HIPK3: variants seen among roughly 807,000 people sequenced by gnomAD.
The protein encoded by HIPK3 is homeodomain-interacting protein kinase 3.
In HIPK3, 47 loss-of-function variants were observed where a neutral mutation model predicts 124.2. The ratio of observed to expected loss-of-function variants is 0.38; its 90% CI spans 0.30 to 0.48. The LOEUF (loss-of-function observed/expected upper bound fraction) is 0.48. Ranked by LOEUF, HIPK3 falls within the 20% of genes least tolerant of loss-of-function variation. HIPK3 has a pLI of 0.98. For missense variants in HIPK3, 1,286 were observed against 1,454.3 expected (o/e 0.88, Z 1.88); for synonymous variants, 482 against 515.2 (o/e 0.94, Z 0.87).
At chr11:33,349,099 G>T in intron 13 of HIPK3, 48 bp from the exon 14 acceptor site, 2 of 1,565,102 alleles carry the variant, frequency 1.3e-6, no homozygotes, top group Non-Finnish European at 8.7e-7. Context: ...TATTTGGAGA[G>T]TATCTTCTTG....
Position 33,347,630 on chromosome 11 carries a change from C to T in HIPK3, c.2021C>T (p.Thr674Met), listed in dbSNP as rs367997325. Residue 674 changes from threonine to methionine, a missense_variant and splice_region_variant, in exon 10 of 17, where the codon ACG becomes ATG. Thr to Met is a moderately conservative substitution (Grantham distance 81). Around this residue, in one of 3 missense-constraint regions of HIPK3, gnomAD observed 810 missense variants for 864.9 expected, o/e 0.94. Transcript: ENST00000303296. ...LQIRPGVLSQTWSGRTQQMLV... is the reference protein window; with the variant it reads ...LQIRPGVLSQMWSGRTQQMLV... Reference sequence around the variant, plus strand: ...ATTGTTTTGCTTTGCTGCAAGCAGACGTGGTCTGGTAGAACACAGCAGATG... The same window carrying T: ...ATTGTTTTGCTTTGCTGCAAGCAGATGTGGTCTGGTAGAACACAGCAGATG... The T allele has an allele frequency of 7.4e-6, 12 of 1,613,260 alleles. No homozygotes were observed. Among genetic ancestry groups the T allele is most frequent in the Middle Eastern group, 1.7e-4 (1 of 6,024 alleles).
At chr11:33,275,301 G>T (rs1851243217) in intron 1 of HIPK3, among the ~76,000 whole-genome samples, 1 of 152,172 alleles carries the variant, frequency 6.6e-6, no homozygotes, top group Non-Finnish European at 1.5e-5. Context: ...GCCTCCCAAA[G>T]TGCTGGGATT....
chr11:33,295,358 T>C (rs1200230808), intron 2 of HIPK3, among the ~76,000 whole-genome samples: 1 of 146,468 alleles, frequency 6.8e-6, no homozygotes, highest in African/African-American at 2.5e-5. Flanking sequence ...TGTTTGCCTG[T>C]TGGTCTCCCT....
At chr11:33,282,807 T>G (rs1309235204) in intron 1 of HIPK3, among the ~76,000 whole-genome samples, 1 of 152,076 alleles carries the variant, frequency 6.6e-6, no homozygotes, top group East Asian at 1.9e-4. Context: ...GTGTAGTGGT[T>G]CGAACCTATA....
In HIPK3 at chr11:33,257,655, C is replaced by T; in HGVS notation, c.-237C>T. On this transcript the variant is annotated 5_prime_UTR_variant, in exon 1 of 17. Coordinates refer to ENST00000303296, the MANE Select transcript of HIPK3 (RefSeq NM_005734.5). ...GAAGATGAGGGAGACGGGCCCGGCG[C>T]TTAGCAGCCAGAGCAGCAGCAGCAG... 3.0e-6 allele frequency: 3 copies of T among 992,114 alleles called. No individual in the cohort carries two copies. The highest frequency in any genetic ancestry group is 3.6e-6 in the Non-Finnish European group (3 of 834,762). 61.5% of individuals were successfully genotyped at this position (992,114 alleles called of 1,614,324 possible). A position where few individuals can be genotyped will look rare whatever the true frequency, so the allele number is the denominator to read the frequency against.
intron 1 of HIPK3, among the ~76,000 whole-genome samples, chr11:33,278,925 A>G (rs1851340785): frequency 6.6e-6 from 1 of 152,174 alleles, no homozygotes; most frequent in African/African-American, 2.4e-5. Flanking sequence ...AGATTTTTAA[A>G]ATGGAGATTT....
At chr11:33,288,559 G>C (rs568573860) in intron 2 of HIPK3, among the ~76,000 whole-genome samples, 1 of 152,234 alleles carries the variant, frequency 6.6e-6, no homozygotes, top group African/African-American at 2.4e-5. Flanking sequence ...TATATGCTAT[G>C]GGTAATGCTA....
At chr11:33,301,004 C>G (rs1391974866) in intron 2 of HIPK3, among the ~76,000 whole-genome samples, 1 of 151,894 alleles carries the variant, frequency 6.6e-6, no homozygotes, top group Non-Finnish European at 1.5e-5. Flanking sequence ...ATTACCACAC[C>G]CGGTTTTATG....
intron 2 of HIPK3, among the ~76,000 whole-genome samples, chr11:33,320,345 C>T (rs1188245864): frequency 2.0e-5 from 3 of 152,052 alleles, no homozygotes; most frequent in Non-Finnish European, 4.4e-5. Flanking sequence ...CTTGTAATAA[C>T]AGATGGAGGT....
At chr11:33,296,473 T>C (rs1251275327) in intron 2 of HIPK3, among the ~76,000 whole-genome samples, 1 of 152,250 alleles carries the variant, frequency 6.6e-6, no homozygotes, top group African/African-American at 2.4e-5. Context: ...CCTTGTTTTC[T>C]TGTTTTGCTT....
chr11:33,291,952 A>G (rs1417239528), intron 2 of HIPK3, among the ~76,000 whole-genome samples: 5 of 152,170 alleles, frequency 3.3e-5, no homozygotes, highest in Admixed American at 6.5e-5. Flanking sequence ...GTTAATTTAG[A>G]CATATTTGTT....
chr11:33,294,433 C>T (rs1481395751), intron 2 of HIPK3, among the ~76,000 whole-genome samples: 1 of 152,052 alleles, frequency 6.6e-6, no homozygotes, highest in Non-Finnish European at 1.5e-5. Flanking sequence ...CACCTACCCA[C>T]CCACCTACCT....
At position 33,355,755 on chromosome 11, in the gene HIPK3, T is replaced by C. The variant is rs536036271; in HGVS notation, c.*2187T>C. The C allele has an allele frequency of 6.1e-4, 92 of 152,002 alleles. No homozygotes were observed. The highest frequency in any genetic ancestry group is 1.1e-3 in the Non-Finnish European group (73 of 67,880). 9.4% of individuals were successfully genotyped at this position (152,002 alleles called of 1,614,324 possible). ...ACCAGCAGTACATTTTTAGTCACAC[T>C]GAAAATGAAGGACTTAATTTTCCCC... On this transcript the variant is annotated 3_prime_UTR_variant, in exon 17 of 17. Coordinates refer to ENST00000303296, the MANE Select transcript of HIPK3 (RefSeq NM_005734.5).
chr11:33,350,504 CAAAAATTAAAAAA>C (rs1419173237), intron 14 of HIPK3, among the ~76,000 whole-genome samples: 16 of 146,848 alleles, frequency 1.1e-4, no homozygotes, highest in Non-Finnish European at 3.0e-5. Context: ...CCGCCTCTAC[CAAAAATTAAAAAA>C]AAAAAAAAAA....
At chr11:33,325,494 G>A (rs1414167313) in intron 2 of HIPK3, among the ~76,000 whole-genome samples, 1 of 152,004 alleles carries the variant, frequency 6.6e-6, no homozygotes. Context: ...TCATTTCCAC[G>A]CCGTACTTTC....
Position 33,353,179 on chromosome 11 carries a change from A to G in HIPK3, c.3259A>G (p.Ser1087Gly). Reference protein sequence around the residue: ...QQAYIPTSVTSNPFTLSHGSP... With the variant: ...QQAYIPTSVTGNPFTLSHGSP... The stretch of plus-strand genomic sequence containing the variant: ...AGCTTATATTCCTACTAGTGTTACC[A>G]GTAATCCATTCACTCTTTCTCATGG... The change falls in exon 17 of 17, where the codon AGT (serine) becomes GGT (glycine). Residue 1087 changes from serine (S) to glycine (G), a missense_variant. Coordinates refer to ENST00000303296, the MANE Select transcript of HIPK3 (RefSeq NM_005734.5). 6.2e-7 allele frequency: 1 copy of G among 1,613,944 alleles called. No homozygotes were observed. The highest frequency in any genetic ancestry group is 8.5e-7 in the Non-Finnish European group (1 of 1,179,910).
chr11:33,287,540 GTTTAT>G (rs1434459892), intron 2 of HIPK3, 29 bp downstream of exon 2: 1 of 1,570,990 alleles, frequency 6.4e-7, no homozygotes, highest in African/African-American at 1.4e-5. Context: ...CTTTTTGGTT[GTTTAT>G]TAATGTGAAA....
chr11:33,306,689 G>A (rs1412142570), intron 2 of HIPK3, among the ~76,000 whole-genome samples: 1 of 152,178 alleles, frequency 6.6e-6, no homozygotes, highest in Non-Finnish European at 1.5e-5. Flanking sequence ...AGGTTGTTGT[G>A]AAGGTTAAAC....
chr11:33,271,258 A>G (rs868137897), intron 1 of HIPK3, among the ~76,000 whole-genome samples: 5 of 152,174 alleles, frequency 3.3e-5, no homozygotes, highest in Non-Finnish European at 5.9e-5. Flanking sequence ...CTGAGATTCT[A>G]TCTAGTTTCT....
Sources: gnomAD v4.1 joint callset for allele counts (sites outside exome capture counted in the v4.1 genomes callset) on GRCh38, gnomAD v4.1.1 for gene constraint, gnomAD v4.1.1 regional missense constraint, MANE v1.5 for transcripts, NCBI Gene and HGNC (gene_info 2026-07-23, HGNC 2026-07-21) for gene names.